ARHGAP15: variants seen among roughly 807,000 people sequenced by gnomAD.
The protein encoded by ARHGAP15 is Rho GTPase activating protein 15.
In ARHGAP15, 51 loss-of-function variants were observed where a neutral mutation model predicts 63.7. The observed-to-expected ratio is 0.80, with a 90% CI of 0.64 to 1.01. ARHGAP15 has a LOEUF of 1.01. Ranked by LOEUF, ARHGAP15 falls within the 50% of genes least tolerant of loss-of-function variation. ARHGAP15 has a pLI of 0.00. For synonymous variants in ARHGAP15, 191 were observed against 193.8 expected (o/e 0.99, Z 0.12); for missense variants, 560 against 564.6 (o/e 0.99, Z 0.08).
intron 11 of ARHGAP15, among the ~76,000 whole-genome samples, chr2:143,617,054 C>G (rs1698480297): frequency 6.6e-6 from 1 of 152,170 alleles, no homozygotes; most frequent in Non-Finnish European, 1.5e-5. Context: ...GGAGACCACA[C>G]TGGAGAGTAT....
chr2:143,564,666 G>A (rs558780962), intron 11 of ARHGAP15, among the ~76,000 whole-genome samples: 16 of 152,168 alleles, frequency 1.1e-4, no homozygotes, highest in East Asian at 7.7e-4. Flanking sequence ...TGCCTGTTTC[G>A]ATAACTAGTT....
intron 6 of ARHGAP15, among the ~76,000 whole-genome samples, chr2:143,278,608 G>GT (rs912442622): frequency 5.9e-5 from 9 of 152,100 alleles, no homozygotes; most frequent in African/African-American, 1.9e-4. Flanking sequence ...CAAATGCAGG[G>GT]TTTTTTTCCA....
intron 6 of ARHGAP15, among the ~76,000 whole-genome samples, chr2:143,406,338 A>G (rs1041239152): frequency 3.3e-5 from 5 of 151,932 alleles, no homozygotes; most frequent in Non-Finnish European, 5.9e-5. Flanking sequence ...TTCCAAGAGA[A>G]TGGATTCTTT....
chr2:143,204,325 C>T (rs1418902464), intron 3 of ARHGAP15, among the ~76,000 whole-genome samples: 2 of 152,068 alleles, frequency 1.3e-5, no homozygotes, highest in Admixed American at 6.6e-5. Context: ...AACAAGGCGG[C>T]TTTTAAACAA....
chr2:143,521,463 A>G (rs1245653534), intron 10 of ARHGAP15, among the ~76,000 whole-genome samples: 2 of 151,884 alleles, frequency 1.3e-5, no homozygotes, highest in Non-Finnish European at 1.5e-5. Flanking sequence ...GGACAGAAAT[A>G]ATTTATGTGA....
At chr2:143,628,056 A>C (rs1698907351) in intron 12 of ARHGAP15, among the ~76,000 whole-genome samples, 1 of 151,812 alleles carries the variant, frequency 6.6e-6, no homozygotes, top group African/African-American at 2.4e-5. Context: ...TTCAGCTCCC[A>C]CTTATAAGAA....
chr2:143,166,001 A>AGAAAGAAAGAAAGAAAAAAGGAAG (rs70982847), intron 2 of ARHGAP15, among the ~76,000 whole-genome samples: 2 of 101,110 alleles, frequency 2.0e-5, no homozygotes, highest in African/African-American at 4.5e-5. Flanking sequence ...AAAGAAAGAA[A>AGAAAGAAAGAAAGAAAAAAGGAAG]GAAGGAAGGA....
chr2:143,674,924 A>G (rs1013466098), intron 12 of ARHGAP15, among the ~76,000 whole-genome samples: 33 of 152,174 alleles, frequency 2.2e-4, no homozygotes, highest in African/African-American at 8.0e-4. Context: ...TACTTAAAAT[A>G]AGACAACAAA....
chr2:143,692,009 AG>A (rs1435876877), intron 12 of ARHGAP15, among the ~76,000 whole-genome samples: 2 of 152,210 alleles, frequency 1.3e-5, no homozygotes, highest in Admixed American at 6.5e-5. Context: ...AGTGCAAAAG[AG>A]GATATCTGTT....
chr2:143,248,075 T>C (rs1316918360), intron 5 of ARHGAP15, among the ~76,000 whole-genome samples: 2 of 152,000 alleles, frequency 1.3e-5, no homozygotes, highest in Admixed American at 1.3e-4. Context: ...TTAATTCTAG[T>C]GGGGGAAACA....
At chr2:143,416,331 A>G (rs554002146) in intron 6 of ARHGAP15, among the ~76,000 whole-genome samples, 1 of 152,300 alleles carries the variant, frequency 6.6e-6, no homozygotes, top group South Asian at 2.1e-4. Flanking sequence ...CAAGTCTTTC[A>G]TTTATTCTTT....
chr2:143,243,714 T>C (rs968928736), intron 5 of ARHGAP15, among the ~76,000 whole-genome samples: 1 of 152,164 alleles, frequency 6.6e-6, no homozygotes, highest in African/African-American at 2.4e-5. Flanking sequence ...ACAACTTTTC[T>C]GAACTACTTA....
chr2:143,759,189 G>A (rs568499892), intron 13 of ARHGAP15, among the ~76,000 whole-genome samples: 2 of 152,126 alleles, frequency 1.3e-5, no homozygotes, highest in Non-Finnish European at 2.9e-5. Flanking sequence ...TAGGTGGAGG[G>A]GTGGGGCTTG....
chr2:143,272,058 T>C (rs1395602812), intron 6 of ARHGAP15, among the ~76,000 whole-genome samples: 1 of 152,216 alleles, frequency 6.6e-6, no homozygotes, highest in Non-Finnish European at 1.5e-5. Flanking sequence ...CGCCGGTCAT[T>C]GTTGATTTTA....
chr2:143,591,723 G>A (rs1485988827), intron 11 of ARHGAP15, among the ~76,000 whole-genome samples: 2 of 151,238 alleles, frequency 1.3e-5, no homozygotes, highest in South Asian at 4.2e-4. Flanking sequence ...AGGTTCAAGC[G>A]ATTCTCCTGC....
chr2:143,650,130 T>G (rs1681088960), intron 12 of ARHGAP15, among the ~76,000 whole-genome samples: 1 of 151,900 alleles, frequency 6.6e-6, no homozygotes. Flanking sequence ...CTAAAAAATG[T>G]TATCTAGCTA....
chr2:143,718,683 C>T lies in ARHGAP15; in HGVS notation c.1244+15159C>T, dbSNP rs114465198. On this transcript the variant is annotated intron_variant, in intron 13 of 13. Transcript: ENST00000295095. ...TTCCACTGTTCTCTACCTTTCCTCC[C>T]AATATTCATCATCCTCTGCAGATTC... 4.5e-4 allele frequency among the ~76,000 whole-genome samples: 68 copies of T among 152,234 alleles called. 1 individual carries two copies. The highest frequency in any genetic ancestry group is 9.4e-4 in the Non-Finnish European group (64 of 68,012).
intron 10 of ARHGAP15, among the ~76,000 whole-genome samples, chr2:143,528,383 ATTGT>A (rs1325908553): frequency 6.6e-6 from 1 of 151,902 alleles, no homozygotes; most frequent in African/African-American, 2.4e-5. Context: ...CTCTTGATTC[ATTGT>A]TTGTTTTCCA....
chr2:143,536,726 G>A (rs1694786329), intron 10 of ARHGAP15, among the ~76,000 whole-genome samples: 1 of 151,716 alleles, frequency 6.6e-6, no homozygotes, highest in Non-Finnish European at 1.5e-5. Flanking sequence ...TGGCTGCATA[G>A]TATTCCATGG....
Sources: gnomAD v4.1 joint callset for allele counts (sites outside exome capture counted in the v4.1 genomes callset) on GRCh38, gnomAD v4.1.1 for gene constraint, MANE v1.5 for transcripts, NCBI Gene and HGNC (gene_info 2026-07-23, HGNC 2026-07-21) for gene names.